The following PARP1 variants were observed in gnomAD, a reference collection of about 807,000 sequenced individuals.
The protein encoded by PARP1 is poly [ADP-ribose] polymerase 1.
Under a neutral mutation model 118.7 loss-of-function variants are expected in PARP1, and 44 were observed. The ratio of observed to expected loss-of-function variants is 0.37; its 90% CI spans 0.29 to 0.48. The LOEUF (loss-of-function observed/expected upper bound fraction) is 0.48. Among genes scored for constraint, PARP1 ranks in the 20% least tolerant of loss-of-function variants. The pLI is 0.99. For synonymous variants in PARP1, 492 were observed against 483.2 expected (o/e 1.02, Z -0.24); for missense variants, 1,100 against 1,272.4 (o/e 0.86, Z 2.06).
intron 13 of PARP1, among the ~76,000 whole-genome samples, chr1:226,374,773 A>C (rs1481354570): frequency 6.6e-6 from 1 of 152,076 alleles, no homozygotes; most frequent in South Asian, 2.1e-4. Flanking sequence ...TTTCTCTTAC[A>C]CTTCCTCACA....
chr1:226,401,703 G>A (rs1665041395), intron 2 of PARP1, among the ~76,000 whole-genome samples: 1 of 152,220 alleles, frequency 6.6e-6, no homozygotes, highest in Admixed American at 6.5e-5. Flanking sequence ...GGCTGCAGAA[G>A]GGTGCAGGTC....
intron 18 of PARP1, 117 bp from the exon 19 acceptor site, chr1:226,365,271 T>A: frequency 8.8e-7 from 1 of 1,138,002 alleles, no homozygotes; most frequent in Non-Finnish European, 1.3e-6. Flanking sequence ...CTAGAAGACT[T>A]AAGGTCTGCT....
chr1:226,385,728 A>G (rs751704032), intron 6 of PARP1, 48 bp from the exon 7 acceptor site: 34 of 1,519,588 alleles, frequency 2.2e-5, no homozygotes, highest in Non-Finnish European at 3.1e-5. Flanking sequence ...GGGACTACAA[A>G]AAAGGACACT....
In PARP1 at chr1:226,392,322, A is replaced by C. The variant is rs1177475785; in HGVS notation, c.287-8T>G. ...TTCCATCCTGGCCTTTGCCTGGAGA[A>C]TCAAACAGACAGCAATGCTCATCTC... On this transcript the variant is annotated splice_polypyrimidine_tract_variant and splice_region_variant and intron_variant, in intron 2 of 22. Coordinates refer to ENST00000366794, the MANE Select transcript of PARP1 (RefSeq NM_001618.4). 6.3e-7 allele frequency: 1 copy of C among 1,599,918 alleles called. No homozygotes were observed. Among genetic ancestry groups the C allele is most frequent in the Non-Finnish European group, 8.6e-7 (1 of 1,167,516 alleles).
At chr1:226,373,360 G>C (rs551086176) in intron 14 of PARP1, among the ~76,000 whole-genome samples, 105 of 152,338 alleles carry the variant, frequency 6.9e-4, no homozygotes, top group African/African-American at 2.5e-3. Context: ...TTGTTTTTCA[G>C]AGCAGCCTGA....
At chr1:226,363,903 C>G in intron 20 of PARP1, 40 bp downstream of exon 20, 1 of 1,610,818 alleles carries the variant, frequency 6.2e-7, no homozygotes. Flanking sequence ...TCCACCTGTC[C>G]CCATGAAATG....
chr1:226,369,639 C>G (rs531952020), intron 15 of PARP1, among the ~76,000 whole-genome samples: 1 of 152,254 alleles, frequency 6.6e-6, no homozygotes, highest in South Asian at 2.1e-4. Flanking sequence ...GTTGAGAATT[C>G]AACCAAACTC....
chr1:226,376,230 GTT>G (rs914043149), intron 13 of PARP1, among the ~76,000 whole-genome samples: 1 of 152,054 alleles, frequency 6.6e-6, no homozygotes, highest in African/African-American at 2.4e-5. Context: ...TAAAATAAAT[GTT>G]TTCTTTTATC....
chr1:226,392,373 G>A, intron 2 of PARP1, 59 bp from the exon 3 acceptor site: 2 of 1,225,486 alleles, frequency 1.6e-6, no homozygotes, highest in East Asian at 2.3e-5. Context: ...CAGCTCAGAG[G>A]AGCCCCGTCC....
intron 1 of PARP1, among the ~76,000 whole-genome samples, chr1:226,406,857 T>G (rs985960336): frequency 1.3e-5 from 2 of 152,032 alleles, no homozygotes; most frequent in African/African-American, 2.4e-5. Flanking sequence ...GTACTGAAAA[T>G]CCACTGAGGG....
At chr1:226,375,992 C>T (rs904133706) in intron 13 of PARP1, among the ~76,000 whole-genome samples, 2 of 152,124 alleles carry the variant, frequency 1.3e-5, no homozygotes, top group African/African-American at 4.8e-5. Flanking sequence ...TAATATTTCT[C>T]AAAAATTTTT....
At chr1:226,407,770 C>G (rs2102750200) in intron 1 of PARP1, 40 bp downstream of exon 1, 1 of 1,540,516 alleles carries the variant, frequency 6.5e-7, no homozygotes, top group Non-Finnish European at 8.8e-7. Context: ...TAACCCGGGG[C>G]GCCGCGTCCC....
chr1:226,391,496 T>C lies in PARP1; in HGVS notation c.402+703A>G, dbSNP rs780615461. 2.6e-5 allele frequency among the ~76,000 whole-genome samples: 4 copies of C among 152,138 alleles called. No individual in the cohort carries two copies. In the East Asian group the frequency reaches 7.7e-4, roughly 29 times the overall value. On this transcript the variant is annotated intron_variant, in intron 3 of 22. Transcript: ENST00000366794. The stretch of plus-strand genomic sequence containing the variant: ...ATAAAACCAGTAACCCAGCAGCACA[T>C]ACCATCCGGCATTCCCCTTGAGGTA...
Position 226,379,176 on chromosome 1 carries a change from TGTA to T in PARP1, c.1708_1710del (p.Tyr570del), listed in dbSNP as rs1664552443. 1.2e-6 allele frequency: 2 copies of T among 1,614,172 alleles called. No individual in the cohort carries two copies. Among genetic ancestry groups the T allele is most frequent in the East Asian group, 2.2e-5 (1 of 44,876 alleles). On this transcript the variant is annotated inframe_deletion, in exon 12 of 23. Transcript: ENST00000366794. The stretch of plus-strand genomic sequence containing the variant: ...TTGTCGTCCTCCAGAAGCTGCAGCT[TGTA>T]GTAGGAGTTGGTTCCTTTAACGATG...
chr1:226,370,361 G>A, intron 15 of PARP1, 73 bp downstream of exon 15: 2 of 1,057,872 alleles, frequency 1.9e-6, no homozygotes, highest in South Asian at 2.5e-5. Flanking sequence ...TGTTACCCCT[G>A]CCACCCCCAG....
intron 2 of PARP1, among the ~76,000 whole-genome samples, chr1:226,395,729 T>C (rs1256572834): frequency 1.3e-5 from 2 of 152,212 alleles, no homozygotes; most frequent in African/African-American, 4.8e-5. Context: ...ATTCGTGCAA[T>C]TAATGTTTAT....
chr1:226,387,520 C>A (rs1323561455), intron 5 of PARP1, among the ~76,000 whole-genome samples: 1 of 152,176 alleles, frequency 6.6e-6, no homozygotes, highest in African/African-American at 2.4e-5. Context: ...TACAGGCACA[C>A]ACGTCTGCAC....
intron 5 of PARP1, among the ~76,000 whole-genome samples, chr1:226,387,960 C>T (rs940446473): frequency 6.6e-5 from 10 of 152,134 alleles, no homozygotes; most frequent in African/African-American, 2.2e-4. Context: ...AATTTTAGTA[C>T]CACTAGTAAA....
Position 226,382,922 on chromosome 1 carries a change from C to G in PARP1, c.1159+114G>C, listed in dbSNP as rs571695567. 2.5e-6 allele frequency: 3 copies of G among 1,216,226 alleles called. No individual in the cohort carries two copies. The East Asian group carries it at 7.0e-5, about 28-fold the overall frequency. The allele number at this position is 1,216,226 out of a possible 1,614,324, so 75.3% of individuals were successfully genotyped here. The stretch of plus-strand genomic sequence containing the variant: ...GGGCAAGGCTTCCCCATGGTGGGGT[C>G]AGCAAAGAGAGACCCTTGACGGATA... On this transcript the variant is annotated intron_variant, in intron 8 of 22. Coordinates refer to ENST00000366794, the MANE Select transcript of PARP1 (RefSeq NM_001618.4).
Sources: gnomAD v4.1 joint callset for allele counts (sites outside exome capture counted in the v4.1 genomes callset) on GRCh38, gnomAD v4.1.1 for gene constraint, MANE v1.5 for transcripts, NCBI Gene and HGNC (gene_info 2026-07-23, HGNC 2026-07-21) for gene names.